UNC13B: variants seen among roughly 807,000 people sequenced by gnomAD.
The protein encoded by UNC13B is unc-13 homolog B, also known as protein unc-13 homolog B.
UNC13B carries 144 observed loss-of-function variants against 211.0 expected under a neutral mutation model. That is an observed-to-expected ratio of 0.68 (90% CI 0.60 to 0.78). The LOEUF (loss-of-function observed/expected upper bound fraction) is 0.78. UNC13B is among the 30% of genes least tolerant of loss of function. The pLI is 0.00. For missense variants in UNC13B, 1,777 were observed against 2,002.0 expected (o/e 0.89, Z 2.14); for synonymous variants, 709 against 725.8 (o/e 0.98, Z 0.37).
At chr9:35,188,834 C>T (rs1324452038) in intron 1 of UNC13B, among the ~76,000 whole-genome samples, 1 of 152,142 alleles carries the variant, frequency 6.6e-6, no homozygotes, top group Non-Finnish European at 1.5e-5. Flanking sequence ...AATGTTAGCC[C>T]CAGTTTGTTG....
chr9:35,309,908 C>T (rs990767669), intron 9 of UNC13B, among the ~76,000 whole-genome samples: 3 of 152,210 alleles, frequency 2.0e-5, no homozygotes, highest in Admixed American at 6.5e-5. Flanking sequence ...GTTCTATTAA[C>T]TCATCTTGCA....
intron 7 of UNC13B, among the ~76,000 whole-genome samples, chr9:35,285,981 C>T (rs1297055296): frequency 6.6e-6 from 1 of 152,068 alleles, no homozygotes; most frequent in Non-Finnish European, 1.5e-5. Flanking sequence ...GCTATACTCC[C>T]GTATTTCTAG....
chr9:35,249,068 G>A (rs549706435), intron 6 of UNC13B, among the ~76,000 whole-genome samples: 5 of 152,274 alleles, frequency 3.3e-5, no homozygotes, highest in South Asian at 2.1e-4. Flanking sequence ...ATTTAAGATA[G>A]TTAGCTCTTC....
At chr9:35,268,543 C>T (rs1587506403) in intron 7 of UNC13B, among the ~76,000 whole-genome samples, 1 of 152,130 alleles carries the variant, frequency 6.6e-6, no homozygotes, top group South Asian at 2.1e-4. Context: ...TGCTTGAACC[C>T]GTGAGACGGA....
At chr9:35,295,116 C>T (rs1356111833) in intron 7 of UNC13B, among the ~76,000 whole-genome samples, 3 of 152,162 alleles carry the variant, frequency 2.0e-5, no homozygotes, top group African/African-American at 4.8e-5. Context: ...CTGCTGTTCT[C>T]AGCTGCATCT....
chr9:35,402,282 C>CTTT (rs1168729927), intron 37 of UNC13B, among the ~76,000 whole-genome samples: 3 of 136,880 alleles, frequency 2.2e-5, no homozygotes, highest in Non-Finnish European at 4.7e-5. Context: ...TTCTTTTTTT[C>CTTT]TTTTTTTTTT....
chr9:35,178,488 C>T (rs1026551301), intron 1 of UNC13B, among the ~76,000 whole-genome samples: 2 of 149,812 alleles, frequency 1.3e-5, no homozygotes, highest in Non-Finnish European at 3.0e-5. Context: ...AGAGTGAGAC[C>T]CTGTTTCAAA....
In UNC13B at chr9:35,386,077, A is replaced by G; in HGVS notation, c.10966-88A>G. The G allele has an allele frequency of 2.5e-6, 4 of 1,573,044 alleles. No homozygotes were observed. The South Asian group carries it at 4.8e-5, about 19-fold the overall frequency. ...TAGGGACCCAGACAGGGATGAAAGA[A>G]TCTAGAGTAGGTTTGGGGTAGTGCT... is the stretch of plus-strand genomic sequence containing the variant. On this transcript the variant is annotated intron_variant, in intron 23 of 39. Coordinates refer to ENST00000635942, the MANE Select transcript of UNC13B (RefSeq NM_001371189.2).
chr9:35,320,888 T>C (rs1173874581), intron 11 of UNC13B, among the ~76,000 whole-genome samples: 5 of 152,222 alleles, frequency 3.3e-5, no homozygotes, highest in African/African-American at 9.6e-5. Context: ...CAGCCAGAGA[T>C]GCCCCGCATT....
chr9:35,291,155 T>C, intron 7 of UNC13B: 1 of 1,509,018 alleles, frequency 6.6e-7, no homozygotes, highest in Non-Finnish European at 9.0e-7. Flanking sequence ...ACCCACAAAG[T>C]ACATACTCCC....
intron 11 of UNC13B, among the ~76,000 whole-genome samples, chr9:35,364,719 A>G (rs1448396173): frequency 3.3e-5 from 5 of 151,732 alleles, no homozygotes; most frequent in South Asian, 2.1e-4. Context: ...CATGCAGTCT[A>G]TTTTTCTGAA....
At chr9:35,375,322 T>C in intron 14 of UNC13B, 121 bp downstream of exon 14, 1 of 1,069,910 alleles carries the variant, frequency 9.3e-7, no homozygotes, top group African/African-American at 1.6e-5. Flanking sequence ...ACATTGCTGA[T>C]GAAAAAGATA....
intron 1 of UNC13B, among the ~76,000 whole-genome samples, chr9:35,194,435 T>C (rs2131351773): frequency 6.6e-6 from 1 of 152,214 alleles, no homozygotes; most frequent in Middle Eastern, 3.4e-3. Flanking sequence ...CCAGAAATCC[T>C]CAGTTGCTCT....
intron 24 of UNC13B, among the ~76,000 whole-genome samples, chr9:35,387,518 C>T (rs914432839): frequency 3.3e-5 from 5 of 152,168 alleles, no homozygotes; most frequent in Admixed American, 2.6e-4. Context: ...TTACTTGATA[C>T]ATTCTAGGCT....
At chr9:35,188,214 C>G (rs1329828161) in intron 1 of UNC13B, among the ~76,000 whole-genome samples, 1 of 152,016 alleles carries the variant, frequency 6.6e-6, no homozygotes, top group African/African-American at 2.4e-5. Flanking sequence ...ATCTTTAAAG[C>G]TATTAAAAAA....
intron 1 of UNC13B, among the ~76,000 whole-genome samples, chr9:35,206,296 A>C (rs117512503): frequency 3.3e-3 from 505 of 152,334 alleles, no homozygotes; most frequent in Middle Eastern, 0.017. Context: ...GTATGTTCAC[A>C]GTGTCATGCA....
chr9:35,403,609 G>C lies in UNC13B; in HGVS notation c.12737+10G>C, dbSNP rs376999363. ...ATGAGACATTCCACTTGTAAGTTAC[G>C]GGGGGGACATACAGGACTCTGGGAT... On this transcript the variant is annotated intron_variant, in intron 39 of 39. Transcript: ENST00000635942. The C allele has an allele frequency of 4.4e-6, 7 of 1,607,238 alleles. No individual in the cohort carries two copies. Among genetic ancestry groups the C allele is most frequent in the Admixed American group, 1.7e-5 (1 of 59,538 alleles).
chr9:35,348,514 C>T (rs1021156381), intron 11 of UNC13B, among the ~76,000 whole-genome samples: 9 of 152,074 alleles, frequency 5.9e-5, no homozygotes, highest in African/African-American at 2.2e-4. Flanking sequence ...TGCTGCAGAC[C>T]ATTAGAAGGG....
At chr9:35,216,856 T>C (rs1342454248) in intron 1 of UNC13B, among the ~76,000 whole-genome samples, 1 of 152,190 alleles carries the variant, frequency 6.6e-6, no homozygotes, top group Admixed American at 6.5e-5. Context: ...AATCCAACTA[T>C]GTGAGTGATA....
Sources: allele counts gnomAD v4.1 joint callset (sites outside exome capture counted in the v4.1 genomes callset), GRCh38; gene constraint gnomAD v4.1.1; transcripts MANE v1.5; gene names NCBI Gene and HGNC (gene_info 2026-07-23, HGNC 2026-07-21).